The following USP40 variants were observed in gnomAD, a reference collection of about 807,000 sequenced individuals.
The protein encoded by USP40 is ubiquitin specific peptidase 40.
A neutral mutation model predicts 166.2 loss-of-function variants in USP40; 143 were observed. The ratio of observed to expected loss-of-function variants is 0.86; its 90% confidence interval spans 0.75 to 0.99. The LOEUF is 0.99. USP40 is among the 50% of genes least tolerant of loss of function. USP40 has a pLI of 0.00. For missense variants in USP40, 1,444 were observed against 1,479.7 expected (o/e 0.98, Z 0.40); for synonymous variants, 498 against 524.0 (o/e 0.95, Z 0.68).
chr2:233,529,670 T>G (rs571946615), intron 11 of USP40, among the ~76,000 whole-genome samples, 158 bp from the exon 12 acceptor site: 2 of 152,272 alleles, frequency 1.3e-5, no homozygotes, highest in South Asian at 4.1e-4. Flanking sequence ...AGTTTTCCCA[T>G]CTGAAAAATG....
Position 233,566,718 on chromosome 2 carries a change from G to A in USP40, c.-54C>T, listed in dbSNP as rs1258315829. The A allele has an allele frequency of 8.1e-6, 8 of 985,934 alleles. No individual in the cohort carries two copies. Among genetic ancestry groups the A allele is most frequent in the Admixed American group, 1.2e-4 (2 of 16,278 alleles). The allele number at this position is 985,934 out of a possible 1,614,324, so 61.1% of individuals were successfully genotyped here. Reference sequence around the variant, plus strand: ...CCCAGACCCCCGCCCTGGCCAAAACGCGAAGCGAACGAACCCGCCCCAACT... The same window carrying A: ...CCCAGACCCCCGCCCTGGCCAAAACACGAAGCGAACGAACCCGCCCCAACT... On this transcript the variant is annotated 5_prime_UTR_variant, in exon 1 of 32. Coordinates refer to ENST00000678225, the MANE Select transcript of USP40 (RefSeq NM_001365479.2).
chr2:233,485,487 C>T (rs1355931674), intron 30 of USP40, 44 bp downstream of exon 30: 5 of 1,446,256 alleles, frequency 3.5e-6, no homozygotes, highest in Non-Finnish European at 4.8e-6. Flanking sequence ...TCATGTGACC[C>T]TCGTGTCTTC....
intron 4 of USP40, 148 bp from the exon 5 acceptor site, chr2:233,557,167 G>A (rs2071172171): frequency 3.0e-6 from 2 of 676,718 alleles, no homozygotes; most frequent in African/African-American, 1.8e-5. Context: ...AAGCTGAGCT[G>A]GTTAAGAGAT....
chr2:233,529,814 C>CTTTTTTTTTTTTTTTTT (rs369071345), intron 11 of USP40, among the ~76,000 whole-genome samples: 1 of 133,948 alleles, frequency 7.5e-6, no homozygotes, highest in African/African-American at 2.9e-5. Flanking sequence ...TTTTCTTTTT[C>CTTTTTTTTTTTTTTTTT]TTTTTTTTTT....
rs746517790 is a variant in USP40, at chr2:233,510,063, T to C, written c.2599A>G (p.Ile867Val). The C allele has an allele frequency of 7.5e-6, 12 of 1,592,864 alleles. No homozygotes were observed. The highest frequency in any genetic ancestry group is 1.7e-4 in the Middle Eastern group (1 of 6,030). ...TEMEIVVEETISVRDCLKLML... is the reference protein window; with the variant it reads ...TEMEIVVEETVSVRDCLKLML... ...AAATTACTTACATCTCTCACAGATA[T>C]TGTTTCTTCTACTACGATTTCCATT... The change falls in exon 21 of 32, where the codon ATA becomes GTA. Residue 867 changes from isoleucine (I) to valine (V), a missense_variant. By Grantham distance (29) the Ile-to-Val change is conservative (BLOSUM62 3). Coordinates refer to ENST00000678225, the MANE Select transcript of USP40 (RefSeq NM_001365479.2).
In USP40 at chr2:233,483,076, G is replaced by A. The variant is rs753670648; in HGVS notation, c.3505-1779C>T. ...CCTCTGCTGTGTTACTGCGTATGTC[G>A]CTCCCCTGTTTGTGACTTCCCTTTT... On this transcript the variant is annotated intron_variant, in intron 30 of 31. Coordinates refer to ENST00000678225, the MANE Select transcript of USP40 (RefSeq NM_001365479.2). Among the ~76,000 whole-genome samples the A allele has an allele frequency of 1.1e-3, 171 of 151,986 alleles. 2 individuals carry two copies. The highest frequency in any genetic ancestry group is 8.3e-4 in the South Asian group (4 of 4,822).
intron 21 of USP40, among the ~76,000 whole-genome samples, chr2:233,508,152 C>T (rs1263493477): frequency 6.6e-6 from 1 of 152,100 alleles, no homozygotes. Context: ...TATTATGCAT[C>T]TCTAAAAGAT....
chr2:233,524,450 A>G (rs1407348206), intron 15 of USP40, 42 bp downstream of exon 15: 2 of 1,570,130 alleles, frequency 1.3e-6, no homozygotes, highest in African/African-American at 2.7e-5. Flanking sequence ...CTTTTAAAAC[A>G]TCCAAAATTA....
At chr2:233,564,585 T>C (rs116058174) in intron 2 of USP40, among the ~76,000 whole-genome samples, 1 of 152,306 alleles carries the variant, frequency 6.6e-6, no homozygotes, top group African/African-American at 2.4e-5. Flanking sequence ...ACCCCCCTTT[T>C]AAATTTAGCT....
In USP40 at chr2:233,556,966, C is replaced by T; in HGVS notation, c.435G>A (p.Leu145=). Residue 145 remains leucine, a synonymous_variant, in exon 5 of 32, where the codon TTG becomes TTA. Coordinates refer to ENST00000678225, the MANE Select transcript of USP40 (RefSeq NM_001365479.2). ...QELNRILFSA[L]ETSLVGTSGH... is the part of the protein sequence containing the mutation. ...CGGAGGTCCCAACTAAAGAAGTTTCCAAAGCGCTGAAGAGGATTCGATTCA... is the reference window on the plus strand; with the variant it reads ...CGGAGGTCCCAACTAAAGAAGTTTCTAAAGCGCTGAAGAGGATTCGATTCA... The T allele has an allele frequency of 6.2e-7, 1 of 1,613,802 alleles. No homozygotes were observed.
intron 21 of USP40, among the ~76,000 whole-genome samples, chr2:233,500,483 G>T (rs1029264576): frequency 6.6e-6 from 1 of 152,074 alleles, no homozygotes; most frequent in Non-Finnish European, 1.5e-5. Flanking sequence ...TTTCTTGAGG[G>T]AAAAACATTG....
At chr2:233,554,256 G>A in intron 6 of USP40, 124 bp downstream of exon 6, 1 of 1,015,540 alleles carries the variant, frequency 9.8e-7, no homozygotes, top group Non-Finnish European at 1.3e-6. Flanking sequence ...AGAAAATGAT[G>A]TAAATATCTT....
At chr2:233,548,519 G>C (rs1029510709) in intron 8 of USP40, among the ~76,000 whole-genome samples, 3 of 152,080 alleles carry the variant, frequency 2.0e-5, no homozygotes, top group African/African-American at 4.8e-5. Flanking sequence ...GCTAAGGAAT[G>C]GTTCCAGATT....
chr2:233,541,280 T>C (rs1249856314), intron 9 of USP40, among the ~76,000 whole-genome samples: 2 of 152,202 alleles, frequency 1.3e-5, no homozygotes, highest in Non-Finnish European at 2.9e-5. Flanking sequence ...CATTTGGAGA[T>C]TAGACCTTTA....
At chr2:233,483,784 G>A (rs890504991) in intron 30 of USP40, among the ~76,000 whole-genome samples, 1 of 152,210 alleles carries the variant, frequency 6.6e-6, no homozygotes, top group African/African-American at 2.4e-5. Flanking sequence ...CCTGAAATCT[G>A]AGACAGTTCT....
At chr2:233,518,596 A>G (rs553983098) in intron 18 of USP40, among the ~76,000 whole-genome samples, 2 of 151,996 alleles carry the variant, frequency 1.3e-5, no homozygotes, top group East Asian at 3.9e-4. Context: ...AGATAATCAC[A>G]ATTAATCACA....
At chr2:233,533,314 T>C (rs555118005) in intron 11 of USP40, among the ~76,000 whole-genome samples, 165 bp downstream of exon 11, 5 of 152,228 alleles carry the variant, frequency 3.3e-5, no homozygotes, top group South Asian at 2.1e-4. Context: ...AAATGACAAA[T>C]TGTTAGATTT....
intron 8 of USP40, among the ~76,000 whole-genome samples, chr2:233,544,143 C>T (rs1428673832): frequency 6.6e-6 from 1 of 152,162 alleles, no homozygotes; most frequent in African/African-American, 2.4e-5. Flanking sequence ...GTTCCCATCA[C>T]CCCAACTCAG....
chr2:233,490,471 C>T (rs978989705), intron 26 of USP40, among the ~76,000 whole-genome samples: 2 of 152,134 alleles, frequency 1.3e-5, no homozygotes, highest in Non-Finnish European at 2.9e-5. Context: ...CACACCCAGC[C>T]AACATATGCT....
Sources: gnomAD v4.1 joint callset for allele counts (sites outside exome capture counted in the v4.1 genomes callset) on GRCh38, gnomAD v4.1.1 for gene constraint, MANE v1.5 for transcripts, NCBI Gene and HGNC (gene_info 2026-07-23, HGNC 2026-07-21) for gene names.